The following ANKRD27 variants were observed in gnomAD, a reference collection of about 807,000 sequenced individuals.
The protein encoded by ANKRD27 is ankyrin repeat domain 27, also known as ankyrin repeat domain-containing protein 27.
Under a neutral mutation model 129.7 loss-of-function variants are expected in ANKRD27, and 112 were observed. The ratio of observed to expected loss-of-function variants is 0.86; its 90% CI spans 0.74 to 1.01. The LOEUF is 1.01. Among genes scored for constraint, ANKRD27 ranks in the 50% least tolerant of loss-of-function variants. The probability of loss-of-function intolerance (pLI) is 0.00; values close to 1 mark genes in which losing one functional copy is unlikely to be tolerated. For synonymous variants in ANKRD27, 516 were observed against 511.2 expected (o/e 1.01, Z -0.13); for missense variants, 1,258 against 1,300.5 (o/e 0.97, Z 0.50).
chr19:32,645,177 G>A (rs148649033), intron 4 of ANKRD27, among the ~76,000 whole-genome samples: 4,052 of 152,276 alleles, frequency 0.027, 87 homozygotes, highest in Middle Eastern at 0.065. Flanking sequence ...ACTTTGGGAG[G>A]CTGAGGCGGG....
chr19:32,664,473 G>A (rs1599776418), intron 1 of ANKRD27, among the ~76,000 whole-genome samples: 1 of 151,900 alleles, frequency 6.6e-6, no homozygotes, highest in East Asian at 1.9e-4. Flanking sequence ...ACAAAAATTA[G>A]CCAGGTATGA....
In ANKRD27 at chr19:32,607,737, C is replaced by T. The variant is rs148220077; in HGVS notation, c.2271G>A (p.Ala757=). ...GCTTCAGCAGGAGGGGGATGAGGTC[C>T]GCCCGGCCGTGCAGGGCGGCGACAT... The part of the protein sequence containing the change: ...PLHVAALHGR[A]DLIPLLLKHG... The change falls in exon 23 of 29, where the codon GCG becomes GCA. Residue 757 remains alanine, a synonymous_variant. Transcript: ENST00000306065. 6.9e-4 allele frequency: 1,111 copies of T among 1,612,892 alleles called. No individual in the cohort carries two copies. The highest frequency in any genetic ancestry group is 6.0e-4 in the Admixed American group (36 of 59,872).
intron 1 of ANKRD27, among the ~76,000 whole-genome samples, 178 bp from the exon 2 acceptor site, chr19:32,659,223 A>G (rs1291505750): frequency 1.4e-5 from 2 of 143,218 alleles, no homozygotes; most frequent in African/African-American, 5.2e-5. Context: ...CTGGGACTAC[A>G]GGCGCCCACC....
At chr19:32,635,037 C>T (rs1013125923) in intron 12 of ANKRD27, among the ~76,000 whole-genome samples, 1 of 152,084 alleles carries the variant, frequency 6.6e-6, no homozygotes, top group Non-Finnish European at 1.5e-5. Flanking sequence ...TGTGAGAAGC[C>T]GATGTATACT....
chr19:32,618,822 A>G (rs994120906), intron 20 of ANKRD27, among the ~76,000 whole-genome samples: 1 of 151,812 alleles, frequency 6.6e-6, no homozygotes, highest in African/African-American at 2.4e-5. Flanking sequence ...GAGGCAGGAG[A>G]ATTGCTTGAA....
At chr19:32,632,407 G>A (rs1967011221) in intron 12 of ANKRD27, among the ~76,000 whole-genome samples, 1 of 151,978 alleles carries the variant, frequency 6.6e-6, no homozygotes, top group Non-Finnish European at 1.5e-5. Flanking sequence ...CCAACATGGT[G>A]AAACCCCTCT....
Position 32,628,748 on chromosome 19 carries a change from G to C in ANKRD27, c.1311C>G (p.Cys437Trp), listed in dbSNP as rs761335198. The C allele has an allele frequency of 6.2e-7, 1 of 1,614,086 alleles. No individual in the cohort carries two copies. Among genetic ancestry groups the C allele is most frequent in the Non-Finnish European group, 8.5e-7 (1 of 1,179,986 alleles). The change falls in exon 14 of 29, where the codon TGC becomes TGG. Residue 437 changes from cysteine to tryptophan, a missense_variant. Transcript: ENST00000306065. ...VQKMCHPLCF[C>W]DDCEKLVSGR... The stretch of plus-strand genomic sequence containing the variant: ...CAGAGACGAGTTTCTCACAGTCATC[G>C]CAGAAGCAGAGAGGGTGACACATCT...
intron 10 of ANKRD27, 82 bp downstream of exon 10, chr19:32,641,942 T>C (rs1967209114): frequency 4.8e-6 from 7 of 1,456,656 alleles, no homozygotes; most frequent in Non-Finnish European, 9.1e-7. Context: ...CCCATAAAAA[T>C]CCCTTAAGAC....
chr19:32,616,170 G>T (rs1410477769), intron 21 of ANKRD27, among the ~76,000 whole-genome samples: 1 of 152,076 alleles, frequency 6.6e-6, no homozygotes, highest in Non-Finnish European at 1.5e-5. Context: ...TAGCACTCCA[G>T]CCTGGGCAAC....
At chr19:32,606,400 C>T (rs1187216047) in intron 23 of ANKRD27, among the ~76,000 whole-genome samples, 2 of 152,054 alleles carry the variant, frequency 1.3e-5, no homozygotes, top group Non-Finnish European at 2.9e-5. Context: ...GTGATCCACC[C>T]GTCTCGGCCT....
In ANKRD27 at chr19:32,604,256, C is replaced by T. The variant is rs1035982062; in HGVS notation, c.2655+7G>A. ...ATTCCCTCGGCTCTTCGACCCTCTC[C>T]ACCTACCTGTTCAGCACAGTCTACA... On this transcript the variant is annotated splice_region_variant and intron_variant, in intron 25 of 28. Coordinates refer to ENST00000306065, the MANE Select transcript of ANKRD27 (RefSeq NM_032139.3). 2 of 1,595,656 alleles carry T rather than the reference C, an allele frequency of 1.3e-6. No homozygotes were observed. The highest frequency in any genetic ancestry group is 1.7e-6 in the Non-Finnish European group (2 of 1,166,280).
At chr19:32,649,175 G>C (rs1967362091) in intron 3 of ANKRD27, among the ~76,000 whole-genome samples, 1 of 151,918 alleles carries the variant, frequency 6.6e-6, no homozygotes, top group Non-Finnish European at 1.5e-5. Flanking sequence ...GTCTCGTTAT[G>C]TTTTCCAGGC....
intron 12 of ANKRD27, among the ~76,000 whole-genome samples, chr19:32,634,564 C>T (rs1200312613): frequency 1.3e-5 from 2 of 152,176 alleles, no homozygotes; most frequent in African/African-American, 4.8e-5. Context: ...TCCTTAGGGG[C>T]ATCCTTACAC....
intron 26 of ANKRD27, among the ~76,000 whole-genome samples, chr19:32,601,647 C>T (rs866935615): frequency 6.6e-6 from 1 of 150,390 alleles, no homozygotes; most frequent in South Asian, 2.1e-4. Context: ...TGAAAGGTAG[C>T]ATTTACCCTG....
intron 9 of ANKRD27, 70 bp from the exon 10 acceptor site, chr19:32,642,215 C>CGGCA: frequency 7.1e-7 from 1 of 1,417,760 alleles, no homozygotes; most frequent in Non-Finnish European, 9.4e-7. Flanking sequence ...GATCTAAGAA[C>CGGCA]ACATCTCAGG....
At chr19:32,643,766 CTTTT>C (rs78565774) in intron 5 of ANKRD27, 135 bp from the exon 6 acceptor site, 21,433 of 829,252 alleles carry the variant, frequency 0.026, 491 homozygotes, top group South Asian at 0.075. Flanking sequence ...TTTTTCTCAA[CTTTT>C]TTTTTAGGTG....
At position 32,640,307 on chromosome 19, in the gene ANKRD27, C is replaced by T; in HGVS notation, c.983G>A (p.Trp328Ter). Residue 328 changes from tryptophan to a stop codon, truncating the protein, a stop_gained and splice_region_variant, in exon 11 of 29, where the codon TGG (tryptophan) becomes TAG (stop). Coordinates refer to ENST00000306065, the MANE Select transcript of ANKRD27 (RefSeq NM_032139.3). LOFTEE classifies it high-confidence loss of function. Reference sequence around the variant, plus strand: ...AGAGTATCTTAAAAGAAAATGTTACCAATTAGGGATCTCCGTTTTCACAAG... The same window carrying T: ...AGAGTATCTTAAAAGAAAATGTTACTAATTAGGGATCTCCGTTTTCACAAG... ...YLLVKTEIPN[W>*]MANLSYIKNF... 2 of 1,612,602 alleles carry T rather than the reference C, an allele frequency of 1.2e-6. No homozygotes were observed. Among genetic ancestry groups the T allele is most frequent in the Non-Finnish European group, 1.7e-6 (2 of 1,178,862 alleles).
chr19:32,608,828 T>C (rs28402742), intron 22 of ANKRD27, among the ~76,000 whole-genome samples: 88,421 of 151,538 alleles, frequency 0.58, 26,870 homozygotes, highest in Non-Finnish European at 0.69. Context: ...GGCACCTGCC[T>C]GTAATCCCAG....
At chr19:32,657,572 G>A (rs1286589225) in intron 2 of ANKRD27, among the ~76,000 whole-genome samples, 3 of 151,546 alleles carry the variant, frequency 2.0e-5, no homozygotes, top group South Asian at 2.1e-4. Flanking sequence ...GCAGAGAGTC[G>A]AGATTGCGCC....
Sources: gnomAD v4.1 joint callset for allele counts (sites outside exome capture counted in the v4.1 genomes callset) on GRCh38, gnomAD v4.1.1 for gene constraint, MANE v1.5 for transcripts, NCBI Gene and HGNC (gene_info 2026-07-23, HGNC 2026-07-21) for gene names.